BOC: variants seen among roughly 807,000 people sequenced by gnomAD.
BOC encodes the protein brother of CDO.
A neutral mutation model predicts 112.0 loss-of-function variants in BOC; 76 were observed. That is an observed-to-expected ratio of 0.68 (90% confidence interval 0.56 to 0.82). BOC has a LOEUF of 0.82. BOC is among the 40% of genes least tolerant of loss of function. The pLI is 0.00. For synonymous variants in BOC, 580 were observed against 599.8 expected (o/e 0.97, Z 0.48); for missense variants, 1,309 against 1,511.7 (o/e 0.87, Z 2.22).
Position 113,286,964 on chromosome 3 carries a change from G to T in BOC, c.*102G>T. ...AATTGGTATTTATTTTTCTATTATA[G>T]CCATATTTATATATTTATGCACTTG... is the stretch of plus-strand genomic sequence containing the variant. On this transcript the variant is annotated 3_prime_UTR_variant, in exon 20 of 20. Transcript: ENST00000682979. 8.7e-7 allele frequency: 1 copy of T among 1,153,514 alleles called. No homozygotes were observed. The highest frequency in any genetic ancestry group is 1.5e-5 in the South Asian group (1 of 68,092). The allele number at this position is 1,153,514 out of a possible 1,614,324, so 71.5% of individuals were successfully genotyped here.
intron 12 of BOC, 154 bp downstream of exon 12, chr3:113,279,609 C>G (rs1948998097): frequency 1.2e-6 from 1 of 848,030 alleles, no homozygotes; most frequent in Non-Finnish European, 1.8e-6. Flanking sequence ...TTACCACAGT[C>G]CTAAAGCCTT....
intron 2 of BOC, among the ~76,000 whole-genome samples, chr3:113,224,804 C>CA (rs1325768549): frequency 6.6e-6 from 1 of 152,112 alleles, no homozygotes; most frequent in African/African-American, 2.4e-5. Context: ...ACTAAAAACA[C>CA]AAAAATAGGC....
intron 2 of BOC, among the ~76,000 whole-genome samples, chr3:113,236,508 C>T (rs1943583573): frequency 1.8e-5 from 2 of 108,284 alleles, no homozygotes; most frequent in South Asian, 6.7e-4. Flanking sequence ...ACATTGGACA[C>T]TTGGAAGGGT....
chr3:113,268,448 G>T lies in BOC; in HGVS notation c.523+3G>T, dbSNP rs1947753987. 6.2e-7 allele frequency: 1 copy of T among 1,613,236 alleles called. No individual in the cohort carries two copies. The highest frequency in any genetic ancestry group is 8.5e-7 in the Non-Finnish European group (1 of 1,179,712). ...AGAGTGGCTGGAGGCCTCCAGAGGT[G>T]AGTGGGCAGGAGCCCAGAGGCCAAG... On this transcript the variant is annotated splice_donor_region_variant and intron_variant, in intron 5 of 19. Transcript: ENST00000682979.
At chr3:113,275,605 G>T (rs1035042551) in intron 9 of BOC, among the ~76,000 whole-genome samples, 1 of 152,174 alleles carries the variant, frequency 6.6e-6, no homozygotes, top group Non-Finnish European at 1.5e-5. Flanking sequence ...TTTAAAAATT[G>T]TATGTGATAA....
chr3:113,225,002 G>A (rs1404416679), intron 2 of BOC, among the ~76,000 whole-genome samples: 1 of 151,938 alleles, frequency 6.6e-6, no homozygotes, highest in African/African-American at 2.4e-5. Context: ...GCATGAACCC[G>A]GGAGGCAGAG....
At chr3:113,259,043 T>C (rs541990249) in intron 4 of BOC, among the ~76,000 whole-genome samples, 1 of 152,338 alleles carries the variant, frequency 6.6e-6, no homozygotes, top group East Asian at 1.9e-4. Context: ...CAAATGGCAT[T>C]GGCTACACTA....
intron 2 of BOC, among the ~76,000 whole-genome samples, chr3:113,232,562 A>AGTGTGT (rs10696107): frequency 1.7e-4 from 26 of 149,440 alleles, no homozygotes; most frequent in East Asian, 4.0e-4. Flanking sequence ...TTGCTGTGCG[A>AGTGTGT]GTGTGTGTGT....
rs769728794 is a variant in BOC at position 113,274,469 on chromosome 3, G to A, written c.1329G>A (p.Arg443=). Residue 443 remains arginine (R), a synonymous_variant, in exon 9 of 20, where the codon AGG becomes AGA. Coordinates refer to ENST00000682979, the MANE Select transcript of BOC (RefSeq NM_001378074.1). The surrounding 1 kb of genome is among the most constrained non-coding windows in gnomAD (Gnocchi z 4.8). ...SKLGNPEQML[R]GQPALPRPPT... is the part of the protein sequence containing the mutation. ...TCGGCAACCCTGAGCAGATGCTGAG[G>A]GGGCAACCGGCGCTCCCCAGACCCC... 1 of 1,611,362 alleles carries A rather than the reference G, an allele frequency of 6.2e-7. No individual in the cohort carries two copies. Among genetic ancestry groups the A allele is most frequent in the Admixed American group, 1.7e-5 (1 of 59,928 alleles).
intron 2 of BOC, among the ~76,000 whole-genome samples, chr3:113,239,347 G>A (rs1943992394): frequency 6.6e-6 from 1 of 152,182 alleles, no homozygotes; most frequent in African/African-American, 2.4e-5. Flanking sequence ...AGAAGCAGGA[G>A]ACAAGATGAC....
chr3:113,224,969 C>T (rs907302568), intron 2 of BOC, among the ~76,000 whole-genome samples: 8 of 152,004 alleles, frequency 5.3e-5, no homozygotes, highest in Non-Finnish European at 1.2e-4. Flanking sequence ...CCCAGCTACT[C>T]GGGAGGCTGA....
chr3:113,268,178 C>T (rs1576462785), intron 4 of BOC, 121 bp from the exon 5 acceptor site: 16 of 1,445,496 alleles, frequency 1.1e-5, no homozygotes, highest in Non-Finnish European at 1.5e-5. Context: ...CGGAGGATCC[C>T]CTGATATCCC....
intron 4 of BOC, among the ~76,000 whole-genome samples, chr3:113,255,943 C>T (rs971422265): frequency 1.3e-5 from 2 of 152,246 alleles, no homozygotes; most frequent in Non-Finnish European, 2.9e-5. Context: ...TAAGCCTTAG[C>T]TCTGCCATTT....
chr3:113,255,869 T>C (rs1034481980), intron 4 of BOC, among the ~76,000 whole-genome samples: 1 of 152,148 alleles, frequency 6.6e-6, no homozygotes, highest in Non-Finnish European at 1.5e-5. Flanking sequence ...ATGAATAAAA[T>C]GAAGGGCCAA....
In BOC at chr3:113,274,792, G is replaced by A. The variant is rs1430696946; in HGVS notation, c.1542+110G>A. The A allele has an allele frequency of 1.3e-5, 15 of 1,144,738 alleles. No homozygotes were observed. The highest frequency in any genetic ancestry group is 6.3e-5 in the African/African-American group (4 of 63,886). The allele number at this position is 1,144,738 out of a possible 1,614,324, so 70.9% of individuals were successfully genotyped here. A position where few individuals can be genotyped will look rare whatever the true frequency, so the allele number is the denominator to read the frequency against. On this transcript the variant is annotated intron_variant, in intron 9 of 19. Transcript: ENST00000682979. This position sits in a 1 kb window ranked among gnomAD's most constrained non-coding sequence, Gnocchi z 4.8. ...CCCTTGAGCTCCTGAAGCCTGAGCC[G>A]GTAATCCCCACCACTAAACAGGCCC...
intron 4 of BOC, among the ~76,000 whole-genome samples, chr3:113,264,502 G>T (rs780899152): frequency 6.6e-6 from 1 of 152,200 alleles, no homozygotes; most frequent in African/African-American, 2.4e-5. Flanking sequence ...ACACTGAGCA[G>T]CCTAGGGACT....
At chr3:113,237,525 A>G (rs1029710189) in intron 2 of BOC, among the ~76,000 whole-genome samples, 4 of 152,192 alleles carry the variant, frequency 2.6e-5, no homozygotes, top group African/African-American at 9.7e-5. Context: ...TGAAGCCACA[A>G]GCTTAGTTGG....
chr3:113,223,891 T>G (rs1337414626), intron 2 of BOC, among the ~76,000 whole-genome samples: 1 of 152,192 alleles, frequency 6.6e-6, no homozygotes, highest in South Asian at 2.1e-4. Context: ...TGTGGTCCCT[T>G]TATCAGCTTC....
rs1948883707 is a variant in BOC, at chr3:113,278,610, T to C, written c.1706-63T>C. 2 of 1,395,644 alleles carry C rather than the reference T, an allele frequency of 1.4e-6. No homozygotes were observed. Among genetic ancestry groups the C allele is most frequent in the Non-Finnish European group, 2.0e-6 (2 of 1,007,812 alleles). 86.5% of individuals were successfully genotyped at this position (1,395,644 alleles called of 1,614,324 possible). A position where few individuals can be genotyped will look rare whatever the true frequency, so the allele number is the denominator to read the frequency against. On this transcript the variant is annotated intron_variant, in intron 10 of 19. Transcript: ENST00000682979. The surrounding 1 kb of genome is among the most constrained non-coding windows in gnomAD (Gnocchi z 4.2). ...TAGCAGAGTCTCAGGCAAAAAGGACTCTGTGGGAGGGAGATCTCATGCCTG... is the reference window on the plus strand; with the variant it reads ...TAGCAGAGTCTCAGGCAAAAAGGACCCTGTGGGAGGGAGATCTCATGCCTG...
Sources: gnomAD v4.1 joint callset for allele counts (sites outside exome capture counted in the v4.1 genomes callset) on GRCh38, gnomAD v4.1.1 for gene constraint, Gnocchi (gnomAD v3.1) non-coding constraint, MANE v1.5 for transcripts, NCBI Gene and HGNC (gene_info 2026-07-23, HGNC 2026-07-21) for gene names.